The following PTPRG variants were observed in gnomAD, a reference collection of about 807,000 sequenced individuals.
PTPRG encodes the protein protein tyrosine phosphatase receptor type G.
In PTPRG, 102 loss-of-function variants were observed where a neutral mutation model predicts 165.3. That is an observed-to-expected ratio of 0.62 (90% CI 0.53 to 0.73). The LOEUF is 0.73. PTPRG is among the 30% of genes least tolerant of loss of function. PTPRG has a pLI of 0.00. For missense variants in PTPRG, 1,866 were observed against 1,861.4 expected (o/e 1.00, Z -0.05); for synonymous variants, 675 against 669.5 (o/e 1.01, Z -0.13).
intron 1 of PTPRG, among the ~76,000 whole-genome samples, chr3:61,699,152 C>A (rs2030798635): frequency 6.6e-6 from 1 of 151,786 alleles, no homozygotes; most frequent in Admixed American, 6.6e-5. Context: ...CACATGTACC[C>A]TAAAACTTAA....
At chr3:62,180,194 C>T (rs899317962) in intron 8 of PTPRG, among the ~76,000 whole-genome samples, 4 of 152,200 alleles carry the variant, frequency 2.6e-5, no homozygotes, top group Admixed American at 2.6e-4. Flanking sequence ...GGTTGATTTC[C>T]TGACGTGGCT....
chr3:61,650,710 T>C (rs1188207969), intron 1 of PTPRG, among the ~76,000 whole-genome samples: 1 of 152,228 alleles, frequency 6.6e-6, no homozygotes, highest in East Asian at 1.9e-4. Flanking sequence ...CAGTCAACTT[T>C]TATCTTAAAA....
intron 2 of PTPRG, among the ~76,000 whole-genome samples, chr3:61,955,028 C>A (rs762506261): frequency 3.9e-5 from 6 of 152,142 alleles, no homozygotes; most frequent in Non-Finnish European, 7.4e-5. Context: ...ATTTAATGGC[C>A]ATACATAATG....
intron 5 of PTPRG, among the ~76,000 whole-genome samples, chr3:62,088,870 A>G (rs1168660635): frequency 6.6e-6 from 1 of 152,216 alleles, no homozygotes; most frequent in Non-Finnish European, 1.5e-5. Context: ...AAAATGATAA[A>G]CGCTGGCTTA....
chr3:61,699,728 C>A (rs1480563821), intron 1 of PTPRG, among the ~76,000 whole-genome samples: 1 of 152,080 alleles, frequency 6.6e-6, no homozygotes, highest in Admixed American at 6.5e-5. Flanking sequence ...TAGAGTTTTA[C>A]TACTGTGGAG....
At chr3:61,950,755 C>T (rs1471956863) in intron 2 of PTPRG, among the ~76,000 whole-genome samples, 1 of 152,112 alleles carries the variant, frequency 6.6e-6, no homozygotes, top group East Asian at 1.9e-4. Flanking sequence ...TTTATGCCTG[C>T]CACAGGAAAT....
intron 2 of PTPRG, among the ~76,000 whole-genome samples, chr3:61,909,628 A>C (rs2038750858): frequency 6.6e-6 from 1 of 151,828 alleles, no homozygotes; most frequent in Non-Finnish European, 1.5e-5. Flanking sequence ...TCAAGCAGTT[A>C]TCTTGCCTCA....
At chr3:61,829,795 A>G (rs1176752000) in intron 2 of PTPRG, among the ~76,000 whole-genome samples, 1 of 152,174 alleles carries the variant, frequency 6.6e-6, no homozygotes, top group Non-Finnish European at 1.5e-5. Context: ...CAAGAAAATC[A>G]CCCGGTAGAT....
intron 2 of PTPRG, among the ~76,000 whole-genome samples, chr3:61,782,578 G>C (rs2034577099): frequency 6.6e-6 from 1 of 152,208 alleles, no homozygotes; most frequent in South Asian, 2.1e-4. Flanking sequence ...TGCTAGGTGA[G>C]CCAGAAACTG....
chr3:62,084,569 C>T (rs1701683754), intron 5 of PTPRG, among the ~76,000 whole-genome samples: 1 of 152,150 alleles, frequency 6.6e-6, no homozygotes, highest in Admixed American at 6.5e-5. Flanking sequence ...TTATTTTTCT[C>T]CATCTGGAGA....
intron 2 of PTPRG, among the ~76,000 whole-genome samples, chr3:61,977,338 C>A (rs2040534844): frequency 1.3e-5 from 2 of 152,098 alleles, no homozygotes; most frequent in Non-Finnish European, 2.9e-5. Flanking sequence ...GTCCTGAGAT[C>A]CAGGTCTCAT....
At chr3:61,996,723 C>T (rs1405640896) in intron 3 of PTPRG, among the ~76,000 whole-genome samples, 2 of 152,192 alleles carry the variant, frequency 1.3e-5, no homozygotes, top group African/African-American at 4.8e-5. Flanking sequence ...CTACTTTATA[C>T]ATTTTCCTGT....
chr3:61,926,416 C>G (rs906416710), intron 2 of PTPRG, among the ~76,000 whole-genome samples: 1 of 152,034 alleles, frequency 6.6e-6, no homozygotes. Context: ...CCATGTGATA[C>G]GTGTGCCTCT....
At chr3:61,751,916 C>T (rs945757344) in intron 2 of PTPRG, among the ~76,000 whole-genome samples, 1 of 152,032 alleles carries the variant, frequency 6.6e-6, no homozygotes, top group South Asian at 2.1e-4. Flanking sequence ...TGGCATGAAC[C>T]CGGGAGGCGG....
intron 2 of PTPRG, among the ~76,000 whole-genome samples, chr3:61,945,025 A>G (rs2039722219): frequency 6.6e-6 from 1 of 152,198 alleles, no homozygotes; most frequent in African/African-American, 2.4e-5. Context: ...GTCTCTGCAC[A>G]GTGGGTGTGT....
chr3:61,980,210 G>T (rs1253514771), intron 2 of PTPRG, among the ~76,000 whole-genome samples: 1 of 152,102 alleles, frequency 6.6e-6, no homozygotes, highest in Non-Finnish European at 1.5e-5. Context: ...TGCTCTCTGG[G>T]TTGCATCTCT....
chr3:61,898,351 G>A (rs745633919), intron 2 of PTPRG, among the ~76,000 whole-genome samples: 2 of 152,120 alleles, frequency 1.3e-5, no homozygotes, highest in Non-Finnish European at 2.9e-5. Flanking sequence ...CACCATGCCT[G>A]GCTGTATACA....
In PTPRG at chr3:61,995,718, T is replaced by G. The variant is rs1031699665; in HGVS notation, c.370+5914T>G. On this transcript the variant is annotated intron_variant, in intron 3 of 29. Transcript: ENST00000474889. ...TTCCTTCCTTCCTTCCTTCCTTCCT[T>G]CCTTCCTTCCTTCCTTCCTTCCTTC... 1.4e-4 allele frequency among the ~76,000 whole-genome samples: 20 copies of G among 140,046 alleles called. No individual in the cohort carries two copies. The South Asian group carries it at 1.8e-3, about 13-fold the overall frequency. 91.9% of individuals were successfully genotyped at this position (140,046 alleles called of 152,430 possible). A position where few individuals can be genotyped will look rare whatever the true frequency, so the allele number is the denominator to read the frequency against.
intron 7 of PTPRG, among the ~76,000 whole-genome samples, chr3:62,166,776 A>G (rs1576086064): frequency 1.3e-5 from 2 of 151,694 alleles, no homozygotes; most frequent in Non-Finnish European, 1.5e-5. Context: ...GCAGCTTGCA[A>G]CTCCCAGCCT....
Sources: gnomAD v4.1 joint callset for allele counts (sites outside exome capture counted in the v4.1 genomes callset) on GRCh38, gnomAD v4.1.1 for gene constraint, MANE v1.5 for transcripts, NCBI Gene and HGNC (gene_info 2026-07-23, HGNC 2026-07-21) for gene names.